The following DPP10 variants were observed in gnomAD, a reference collection of about 807,000 sequenced individuals.
DPP10 encodes the protein dipeptidyl peptidase like 10, also known as inactive dipeptidyl peptidase 10.
A neutral mutation model predicts 120.9 loss-of-function variants in DPP10; 33 were observed. That is an observed-to-expected ratio of 0.27 (90% CI 0.21 to 0.37). The LOEUF (loss-of-function observed/expected upper bound fraction) is 0.37, where lower values mean the gene tolerates loss of function less well. Ranked by LOEUF, DPP10 falls within the 10% of genes least tolerant of loss-of-function variation. The pLI is 1.00. For missense variants in DPP10, 816 were observed against 942.8 expected (o/e 0.87, Z 1.76); for synonymous variants, 337 against 326.1 (o/e 1.03, Z -0.36).
At chr2:115,511,310 G>T (rs986793001) in intron 4 of DPP10, among the ~76,000 whole-genome samples, 13 of 151,872 alleles carry the variant, frequency 8.6e-5, no homozygotes, top group Admixed American at 6.6e-4. Flanking sequence ...TGAAATTTAT[G>T]TCTTTCTAAG....
At chr2:114,761,832 A>G (rs1680308678) in intron 1 of DPP10, among the ~76,000 whole-genome samples, 1 of 152,184 alleles carries the variant, frequency 6.6e-6, no homozygotes, top group Non-Finnish European at 1.5e-5. Flanking sequence ...AGGAATTCCA[A>G]ATTCCAAGTG....
intron 1 of DPP10, among the ~76,000 whole-genome samples, chr2:115,028,552 G>A (rs1703629468): frequency 6.6e-6 from 1 of 152,028 alleles, no homozygotes. Context: ...TGAAAAGAAT[G>A]TATATTCTGA....
chr2:114,511,269 C>G lies in DPP10; in HGVS notation c.60+68431C>G, dbSNP rs1573530424. 2.0e-5 allele frequency among the ~76,000 whole-genome samples: 3 copies of G among 152,256 alleles called. No homozygotes were observed. In the East Asian group the frequency reaches 5.8e-4, roughly 29 times the overall value. On this transcript the variant is annotated intron_variant, in intron 1 of 25. Coordinates refer to ENST00000410059, the MANE Select transcript of DPP10 (RefSeq NM_020868.6). ...ATTTAGCCTTGAATATTCTTTTGTG[C>G]AGAGAGACTTTATAAAATCAATGTG... is the stretch of plus-strand genomic sequence containing the variant.
chr2:114,540,859 C>T (rs1558861987), intron 1 of DPP10, among the ~76,000 whole-genome samples: 1 of 152,142 alleles, frequency 6.6e-6, no homozygotes, highest in Non-Finnish European at 1.5e-5. Context: ...ATGGTATTGT[C>T]CAATCTCTTC....
intron 1 of DPP10, among the ~76,000 whole-genome samples, chr2:114,727,200 G>A (rs931119581): frequency 6.6e-6 from 1 of 152,168 alleles, no homozygotes; most frequent in Non-Finnish European, 1.5e-5. Context: ...GATTAAGCAG[G>A]AATTCTGGGA....
intron 1 of DPP10, among the ~76,000 whole-genome samples, chr2:114,578,392 T>C (rs932025322): frequency 6.6e-6 from 1 of 152,248 alleles, no homozygotes; most frequent in Admixed American, 6.5e-5. Flanking sequence ...TATTGTTACA[T>C]TGGGCATTTC....
chr2:114,965,807 A>G (rs1366594766), intron 1 of DPP10, among the ~76,000 whole-genome samples: 2 of 151,794 alleles, frequency 1.3e-5, no homozygotes, highest in African/African-American at 4.8e-5. Flanking sequence ...TCTACTGAAA[A>G]TACAAAAAAT....
chr2:115,438,872 A>G (rs2071758294), intron 3 of DPP10, among the ~76,000 whole-genome samples: 1 of 79,620 alleles, frequency 1.3e-5, no homozygotes, highest in Admixed American at 1.6e-4. Flanking sequence ...AGTGGCTATG[A>G]TGGTCATGGA....
intron 1 of DPP10, chr2:114,707,252 T>C (rs1256312426): frequency 6.6e-6 from 1 of 151,452 alleles, no homozygotes; most frequent in Non-Finnish European, 1.5e-5. Context: ...AATGCATTAG[T>C]AATAGAGAAA....
In DPP10 at chr2:114,741,686, T is replaced by C. The variant is rs368615679; in HGVS notation, c.60+298848T>C. 4.6e-5 allele frequency among the ~76,000 whole-genome samples: 7 copies of C among 152,270 alleles called. No individual in the cohort carries two copies. In the East Asian group the frequency reaches 7.7e-4, roughly 17 times the overall value. On this transcript the variant is annotated intron_variant, in intron 1 of 25. Coordinates refer to ENST00000410059, the MANE Select transcript of DPP10 (RefSeq NM_020868.6). The stretch of plus-strand genomic sequence containing the variant: ...TTAGGGAGTCTCTAATCCAATGTGA[T>C]TGGTGTTCTTATAAGAAGAGGAGAA...
At chr2:115,458,671 T>G (rs2073778336) in intron 3 of DPP10, among the ~76,000 whole-genome samples, 1 of 152,150 alleles carries the variant, frequency 6.6e-6, no homozygotes, top group Non-Finnish European at 1.5e-5. Flanking sequence ...TATTGAGCAT[T>G]GCTTGAATAT....
chr2:115,827,288 TATATACACATACATATATATAC>T (rs1688418094), intron 21 of DPP10, among the ~76,000 whole-genome samples: 1 of 140,820 alleles, frequency 7.1e-6, no homozygotes, highest in South Asian at 2.4e-4. Context: ...TACACATACA[TATATACACATACATATATATAC>T]ACATGTACAT....
intron 5 of DPP10, among the ~76,000 whole-genome samples, chr2:115,553,386 T>C (rs1409554412): frequency 6.6e-6 from 1 of 152,048 alleles, no homozygotes; most frequent in African/African-American, 2.4e-5. Flanking sequence ...AAATTATCAC[T>C]ATTTTCAGGA....
At chr2:115,827,285 A>G (rs552322830) in intron 21 of DPP10, among the ~76,000 whole-genome samples, 2 of 147,050 alleles carry the variant, frequency 1.4e-5, no homozygotes, top group Non-Finnish European at 3.0e-5. Context: ...GTATACACAT[A>G]CATATATACA....
intron 1 of DPP10, among the ~76,000 whole-genome samples, chr2:114,561,048 C>T (rs1445191584): frequency 6.6e-6 from 1 of 152,174 alleles, no homozygotes; most frequent in Non-Finnish European, 1.5e-5. Context: ...AGAGCCACAG[C>T]ACCCCCTTTC....
chr2:115,571,845 T>TTG (rs10634118), intron 5 of DPP10, among the ~76,000 whole-genome samples: 52,329 of 149,532 alleles, frequency 0.35, 9,382 homozygotes, highest in East Asian at 0.44. Context: ...CTCCAATATC[T>TTG]TGTGTGTGTG....
chr2:114,547,084 T>A (rs1253203201), intron 1 of DPP10, among the ~76,000 whole-genome samples: 1 of 152,264 alleles, frequency 6.6e-6, no homozygotes, highest in Non-Finnish European at 1.5e-5. Flanking sequence ...GCATCATGTG[T>A]GTGCGGTAGC....
chr2:115,760,386 G>A (rs1679968477), intron 11 of DPP10, among the ~76,000 whole-genome samples: 1 of 152,122 alleles, frequency 6.6e-6, no homozygotes, highest in South Asian at 2.1e-4. Context: ...TGCTGTCTAT[G>A]GGGAAAAAGA....
intron 1 of DPP10, among the ~76,000 whole-genome samples, chr2:115,010,707 A>T (rs980487015): frequency 6.6e-6 from 1 of 152,190 alleles, no homozygotes; most frequent in African/African-American, 2.4e-5. Context: ...AAGCTCCAAA[A>T]ATCCATCATT....
Sources: allele counts gnomAD v4.1 joint callset (sites outside exome capture counted in the v4.1 genomes callset), GRCh38; gene constraint gnomAD v4.1.1; transcripts MANE v1.5; gene names NCBI Gene and HGNC (gene_info 2026-07-23, HGNC 2026-07-21).